TRAPPC9: variants seen among roughly 807,000 people sequenced by gnomAD.
TRAPPC9 encodes trafficking protein particle complex subunit 9.
A neutral mutation model predicts 124.0 loss-of-function variants in TRAPPC9; 83 were observed. That is an observed-to-expected ratio of 0.67 (90% confidence interval 0.56 to 0.80). The LOEUF (loss-of-function observed/expected upper bound fraction) is 0.80. Among genes scored for constraint, TRAPPC9 ranks in the 30% least tolerant of loss-of-function variants. TRAPPC9 has a pLI of 0.00. For missense variants in TRAPPC9, 1,302 were observed against 1,508.3 expected, an observed-to-expected ratio of 0.86 and a Z score of 2.27; for synonymous variants, 638 against 617.5, an observed-to-expected ratio of 1.03 and a Z score of -0.49.
rs1179300761 is a variant in TRAPPC9 at position 139,760,218 on chromosome 8, C to G, written c.3056-28016G>C. On this transcript the variant is annotated intron_variant, in intron 21 of 22. Transcript: ENST00000438773. ...AGGGGAAGGAGGGTGGACGTGGACC[C>G]TTCGCTCTCCATCCTTGGAATACCA... Among the ~76,000 whole-genome samples, 46 of 152,134 alleles carry G rather than the reference C, an allele frequency of 3.0e-4. 1 individual carries two copies. Among genetic ancestry groups the G allele is most frequent in the Admixed American group, 2.8e-3 (43 of 15,280 alleles).
At chr8:140,018,742 T>C (rs1435538913) in intron 18 of TRAPPC9, among the ~76,000 whole-genome samples, 1 of 152,134 alleles carries the variant, frequency 6.6e-6, no homozygotes, top group Non-Finnish European at 1.5e-5. Context: ...TACATAATCA[T>C]ATGTACCATA....
intron 17 of TRAPPC9, among the ~76,000 whole-genome samples, chr8:140,120,892 A>ACATT (rs918998011): frequency 6.6e-6 from 1 of 150,772 alleles, no homozygotes; most frequent in African/African-American, 2.5e-5. Context: ...CAACATCTAT[A>ACATT]CATTCATTCA....
At chr8:140,400,950 C>T (rs1160245635) in intron 6 of TRAPPC9, among the ~76,000 whole-genome samples, 2 of 151,974 alleles carry the variant, frequency 1.3e-5, no homozygotes, top group East Asian at 1.9e-4. Context: ...CCTAGTTATC[C>T]CAACTGGACT....
chr8:140,419,714 T>G (rs1056369991), intron 5 of TRAPPC9, among the ~76,000 whole-genome samples: 8 of 151,238 alleles, frequency 5.3e-5, no homozygotes, highest in African/African-American at 1.9e-4. Context: ...TGAAACCCCG[T>G]CTCTACTAAA....
At chr8:139,854,473 T>A (rs1481863674) in intron 21 of TRAPPC9, among the ~76,000 whole-genome samples, 1 of 152,000 alleles carries the variant, frequency 6.6e-6, no homozygotes, top group Non-Finnish European at 1.5e-5. Context: ...GTCAGGGAGG[T>A]GACACCTGGA....
intron 19 of TRAPPC9, chr8:139,932,541 T>C (rs368757972): frequency 2.2e-6 from 1 of 455,332 alleles, no homozygotes; most frequent in Non-Finnish European, 4.4e-6. Context: ...GGCAGGTGGA[T>C]TGCCTGAGCT....
intron 21 of TRAPPC9, among the ~76,000 whole-genome samples, chr8:139,745,769 C>T (rs1563779772): frequency 1.3e-5 from 2 of 152,262 alleles, no homozygotes; most frequent in South Asian, 2.1e-4. Flanking sequence ...GGACCAGGGA[C>T]TGGGCTCGCC....
intron 21 of TRAPPC9, among the ~76,000 whole-genome samples, chr8:139,824,663 C>T (rs113188657): frequency 2.2e-4 from 33 of 152,244 alleles, no homozygotes; most frequent in South Asian, 4.2e-4. Context: ...CAGGTTCAAG[C>T]GACTCTTGAG....
intron 20 of TRAPPC9, among the ~76,000 whole-genome samples, chr8:139,900,510 CT>C (rs746632747): frequency 2.6e-5 from 4 of 152,214 alleles, no homozygotes; most frequent in Non-Finnish European, 5.9e-5. Flanking sequence ...GGATTATATC[CT>C]ACTTATTATC....
At chr8:139,882,420 C>T (rs548510975) in intron 21 of TRAPPC9, among the ~76,000 whole-genome samples, 70 of 152,318 alleles carry the variant, frequency 4.6e-4, no homozygotes, top group African/African-American at 1.6e-3. Context: ...ACTGAAGCAC[C>T]ATGAAGAAGG....
intron 19 of TRAPPC9, among the ~76,000 whole-genome samples, chr8:139,955,338 TC>T (rs1162544680): frequency 1.3e-5 from 2 of 152,014 alleles, no homozygotes; most frequent in African/African-American, 4.8e-5. Context: ...CCGTGTGGGT[TC>T]TTTGCATGCT....
chr8:140,051,209 G>A (rs966582309), intron 17 of TRAPPC9, among the ~76,000 whole-genome samples: 5 of 152,206 alleles, frequency 3.3e-5, no homozygotes, highest in East Asian at 1.9e-4. Flanking sequence ...AAGGGGCGGT[G>A]GAGCCTTTAA....
intron 17 of TRAPPC9, among the ~76,000 whole-genome samples, chr8:140,033,186 CTT>C (rs552558996): frequency 2.1e-3 from 327 of 152,238 alleles, no homozygotes; most frequent in African/African-American, 7.7e-3. Context: ...AAATCTATGT[CTT>C]TTACATTTTC....
At chr8:139,784,912 C>CAATT (rs1563810847) in intron 21 of TRAPPC9, among the ~76,000 whole-genome samples, 1 of 151,634 alleles carries the variant, frequency 6.6e-6, no homozygotes, top group African/African-American at 2.4e-5. Context: ...AACATCATTC[C>CAATT]AATTAAAATT....
intron 9 of TRAPPC9, among the ~76,000 whole-genome samples, chr8:140,350,133 A>G (rs749712964): frequency 6.6e-6 from 1 of 152,266 alleles, no homozygotes; most frequent in Non-Finnish European, 1.5e-5. Flanking sequence ...CCTTTCCAGC[A>G]AACATGCCCA....
In TRAPPC9 at chr8:140,127,044, C is replaced by T. The variant is rs144420928; in HGVS notation, c.2556+94415G>A. Among the ~76,000 whole-genome samples, 191 of 152,290 alleles carry T rather than the reference C, an allele frequency of 1.3e-3. 2 individuals carry two copies. The highest frequency in any genetic ancestry group is 2.0e-3 in the Non-Finnish European group (137 of 68,032). On this transcript the variant is annotated intron_variant, in intron 17 of 22. Coordinates refer to ENST00000438773, the MANE Select transcript of TRAPPC9 (RefSeq NM_001160372.4). ...AGCAGCCATGTCTGGGCATCTCTAA[C>T]GTATGTATCTGGAGACACCGCTTCT...
chr8:140,158,450 G>C (rs573994096), intron 17 of TRAPPC9, among the ~76,000 whole-genome samples: 1 of 152,310 alleles, frequency 6.6e-6, no homozygotes, highest in Admixed American at 6.5e-5. Context: ...CAGAAGCCAG[G>C]AGGGCAGGGA....
intron 16 of TRAPPC9, among the ~76,000 whole-genome samples, chr8:140,224,683 A>T (rs1415920937): frequency 6.6e-6 from 1 of 150,916 alleles, no homozygotes; most frequent in East Asian, 1.9e-4. Context: ...TTCTACCCCC[A>T]TTTTTTTTTA....
intron 16 of TRAPPC9, among the ~76,000 whole-genome samples, chr8:140,233,650 C>CACACACACACAT (rs1563868271): frequency 6.9e-6 from 1 of 144,816 alleles, no homozygotes; most frequent in African/African-American, 2.6e-5. Flanking sequence ...CACACACACA[C>CACACACACACAT]ATAAACACAC....
Sources: gnomAD v4.1 joint callset for allele counts (sites outside exome capture counted in the v4.1 genomes callset) on GRCh38, gnomAD v4.1.1 for gene constraint, MANE v1.5 for transcripts, NCBI Gene and HGNC (gene_info 2026-07-23, HGNC 2026-07-21) for gene names.